The following PKHD1 variants were observed in gnomAD, a reference collection of about 807,000 sequenced individuals.
PKHD1 encodes PKHD1 ciliary IPT domain containing fibrocystin/polyductin.
In PKHD1, 291 loss-of-function variants were observed where a neutral mutation model predicts 412.0. The observed-to-expected ratio is 0.71, with a 90% CI of 0.64 to 0.78. PKHD1 has a LOEUF of 0.78. PKHD1 is among the 30% of genes least tolerant of loss of function. The pLI, the probability that PKHD1 is intolerant of heterozygous loss-of-function variation, is 0.00. For missense variants in PKHD1, 4,825 were observed against 4,950.7 expected (o/e 0.97, Z 0.76); for synonymous variants, 1,777 against 1,821.5 (o/e 0.98, Z 0.62).
chr6:51,721,760 G>A lies in PKHD1; in HGVS notation c.10156+22625C>T. On this transcript the variant is annotated intron_variant, in intron 60 of 66. Transcript: ENST00000371117. The stretch of plus-strand genomic sequence containing the variant: ...CCACAGTCCCCAAAGTCAGGAGTAA[G>A]CAAACTCTATTTCCTCTCTTTTGTA... 4 of 1,407,060 alleles carry A rather than the reference G, an allele frequency of 2.8e-6. No homozygotes were observed. In the African/African-American group the frequency reaches 5.8e-5, roughly 20 times the overall value. 87.2% of individuals were successfully genotyped at this position (1,407,060 alleles called of 1,614,324 possible).
intron 48 of PKHD1, among the ~76,000 whole-genome samples, chr6:51,858,013 T>C (rs1195177455): frequency 6.6e-6 from 1 of 152,168 alleles, no homozygotes; most frequent in Non-Finnish European, 1.5e-5. Context: ...AGGTTTGTTG[T>C]CCACCCTTCC....
chr6:51,971,712 T>C (rs1793695357), intron 35 of PKHD1, among the ~76,000 whole-genome samples: 1 of 14,858 alleles, frequency 6.7e-5, no homozygotes, highest in Non-Finnish European at 1.9e-4. Flanking sequence ...TTTTGCTTTT[T>C]GTTTTGTTTT....
chr6:51,635,727 T>TGAG (rs34456268), intron 64 of PKHD1, among the ~76,000 whole-genome samples: 6,481 of 151,950 alleles, frequency 0.043, 228 homozygotes, highest in African/African-American at 0.092. Flanking sequence ...GAGTCCTCTT[T>TGAG]GAGGAGATAT....
intron 36 of PKHD1, among the ~76,000 whole-genome samples, chr6:51,941,844 C>T (rs1788633644): frequency 6.6e-6 from 1 of 151,572 alleles, no homozygotes; most frequent in East Asian, 1.9e-4. Flanking sequence ...ACCCATCAGG[C>T]TCAGCAAATT....
chr6:51,834,804 C>T lies in PKHD1; in HGVS notation c.8173+1600G>A, dbSNP rs1384169516. Among the ~76,000 whole-genome samples the T allele has an allele frequency of 2.0e-5, 3 of 152,218 alleles. No individual in the cohort carries two copies. In the South Asian group the frequency reaches 6.2e-4, roughly 32 times the overall value. On this transcript the variant is annotated intron_variant, in intron 51 of 66. Coordinates refer to ENST00000371117, the MANE Select transcript of PKHD1 (RefSeq NM_138694.4). ...TTCCCAACTATATGAGGTAGGAAAACTGGCTAGATTTTAATATAACTCATA... is the reference window on the plus strand; with the variant it reads ...TTCCCAACTATATGAGGTAGGAAAATTGGCTAGATTTTAATATAACTCATA...
At chr6:51,794,644 T>C (rs764812875) in intron 52 of PKHD1, among the ~76,000 whole-genome samples, 5 of 152,196 alleles carry the variant, frequency 3.3e-5, no homozygotes, top group Admixed American at 1.3e-4. Flanking sequence ...AGGGTTTTTA[T>C]GGTTGTGAGC....
intron 49 of PKHD1, among the ~76,000 whole-genome samples, chr6:51,853,424 G>C (rs755020506): frequency 2.3e-4 from 35 of 152,124 alleles, no homozygotes; most frequent in Non-Finnish European, 4.0e-4. Flanking sequence ...CTCATAGAGT[G>C]TCTTAATGGT....
chr6:51,728,331 C>T (rs912572486), intron 60 of PKHD1, among the ~76,000 whole-genome samples: 12 of 152,276 alleles, frequency 7.9e-5, no homozygotes, highest in Admixed American at 3.9e-4. Flanking sequence ...GAGCAAGTCA[C>T]GCTACCTTAT....
Position 51,659,577 on chromosome 6 carries a change from G to T in PKHD1, c.10549C>A (p.Pro3517Thr), listed in dbSNP as rs773006043. The T allele has an allele frequency of 6.2e-7, 1 of 1,613,740 alleles. No homozygotes were observed. The highest frequency in any genetic ancestry group is 1.7e-5 in the Admixed American group (1 of 59,890). The change falls in exon 61 of 67, where the codon CCC becomes ACC. Residue 3517 changes from proline to threonine, a missense_variant. By Grantham distance (38) the Pro-to-Thr change is conservative. Transcript: ENST00000371117. Reference protein sequence around the residue: ...HVFLGESFIPPTLVQSASLLL... With the variant: ...HVFLGESFIPTTLVQSASLLL... ...AAGGAAGCTGACTGAACCAGAGTGGGTGGAATAAAACTTTCCCCTAAGAAG... is the reference window on the plus strand; with the variant it reads ...AAGGAAGCTGACTGAACCAGAGTGGTTGGAATAAAACTTTCCCCTAAGAAG...
At chr6:52,078,007 GAAC>G (rs1811557983) in intron 5 of PKHD1, among the ~76,000 whole-genome samples, 1 of 152,036 alleles carries the variant, frequency 6.6e-6, no homozygotes, top group African/African-American at 2.4e-5. Flanking sequence ...GAGGCAGCTG[GAAC>G]AACTGAGTCC....
intron 27 of PKHD1, among the ~76,000 whole-genome samples, chr6:52,037,522 T>A (rs754961474): frequency 2.6e-5 from 4 of 152,138 alleles, no homozygotes; most frequent in Non-Finnish European, 4.4e-5. Context: ...AAAAATGGGC[T>A]AAGGAGATAA....
intron 19 of PKHD1, among the ~76,000 whole-genome samples, chr6:52,054,840 C>A (rs543406142): frequency 6.6e-6 from 1 of 152,286 alleles, no homozygotes; most frequent in African/African-American, 2.4e-5. Context: ...GGCGCCCCTG[C>A]AGAAGAGATG....
At chr6:51,848,722 A>G (rs1426988092) in intron 49 of PKHD1, among the ~76,000 whole-genome samples, 1 of 152,142 alleles carries the variant, frequency 6.6e-6, no homozygotes, top group Non-Finnish European at 1.5e-5. Flanking sequence ...TCTGTTCTGA[A>G]TTCCTCATGA....
intron 35 of PKHD1, among the ~76,000 whole-genome samples, chr6:51,966,910 G>A (rs890828389): frequency 2.6e-5 from 4 of 152,032 alleles, no homozygotes; most frequent in African/African-American, 9.7e-5. Context: ...GGATTGGATT[G>A]GATTGGATTG....
intron 13 of PKHD1, among the ~76,000 whole-genome samples, chr6:52,063,711 T>TCAC (rs970422097): frequency 6.6e-5 from 10 of 152,166 alleles, no homozygotes; most frequent in African/African-American, 1.4e-4. Context: ...GTCAGTATCA[T>TCAC]CACCACCACC....
At chr6:52,057,604 A>AT (rs906604404) in intron 16 of PKHD1, among the ~76,000 whole-genome samples, 1 of 152,066 alleles carries the variant, frequency 6.6e-6, no homozygotes, top group Non-Finnish European at 1.5e-5. Flanking sequence ...TTTAGTAGAG[A>AT]TGGGGTTTCA....
chr6:51,887,200 T>C lies in PKHD1; in HGVS notation c.7042A>G (p.Met2348Val), dbSNP rs773602677. ...GAGYGYFFHL[M>V]TNQTSQAPLL... ...GGAGCTTGTGATGTTTGGTTGGTCA[T>C]GAGATGGAAAAAGTAGCCATAGCCA... The change falls in exon 44 of 67, where the codon ATG (methionine) becomes GTG (valine). Residue 2348 changes from methionine to valine, a missense_variant. Physicochemically the swap from Met to Val is conservative, Grantham distance 21. Coordinates refer to ENST00000371117, the MANE Select transcript of PKHD1 (RefSeq NM_138694.4). The C allele has an allele frequency of 3.7e-6, 6 of 1,613,410 alleles. No homozygotes were observed. The highest frequency in any genetic ancestry group is 1.3e-5 in the African/African-American group (1 of 75,032).
chr6:51,859,111 C>T (rs1376470406), intron 48 of PKHD1, among the ~76,000 whole-genome samples: 1 of 152,146 alleles, frequency 6.6e-6, no homozygotes, highest in African/African-American at 2.4e-5. Flanking sequence ...AATTAAACCA[C>T]TTTTTAAAAA....
chr6:51,967,649 T>C (rs1163336784), intron 35 of PKHD1, among the ~76,000 whole-genome samples: 1 of 120,356 alleles, frequency 8.3e-6, no homozygotes, highest in Non-Finnish European at 1.9e-5. Context: ...TGTGTGTGTG[T>C]GTGTATGTGT....
Sources: allele counts gnomAD v4.1 joint callset (sites outside exome capture counted in the v4.1 genomes callset), GRCh38; gene constraint gnomAD v4.1.1; transcripts MANE v1.5; gene names NCBI Gene and HGNC (gene_info 2026-07-23, HGNC 2026-07-21).